CNTNAP5: variants seen among roughly 807,000 people sequenced by gnomAD.
CNTNAP5 encodes the protein contactin associated protein family member 5, also known as contactin-associated protein-like 5.
In CNTNAP5, 72 loss-of-function variants were observed where a neutral mutation model predicts 150.2. That is an observed-to-expected ratio of 0.48 (90% CI 0.40 to 0.58). The LOEUF (loss-of-function observed/expected upper bound fraction) is 0.58. CNTNAP5 is among the 20% of genes least tolerant of loss of function. CNTNAP5 has a pLI of 0.00. For missense variants in CNTNAP5, 1,636 were observed against 1,626.2 expected (o/e 1.01, Z -0.10); for synonymous variants, 672 against 619.8 (o/e 1.08, Z -1.25).
At chr2:124,611,843 ACTCT>A (rs1677391291) in intron 12 of CNTNAP5, among the ~76,000 whole-genome samples, 1 of 152,020 alleles carries the variant, frequency 6.6e-6, no homozygotes. Context: ...CTGAGCTTCG[ACTCT>A]CTCTGGGAAT....
intron 3 of CNTNAP5, among the ~76,000 whole-genome samples, chr2:124,347,750 A>G (rs1689775544): frequency 6.6e-6 from 1 of 152,182 alleles, no homozygotes; most frequent in Non-Finnish European, 1.5e-5. Flanking sequence ...TAAAAAGGTG[A>G]ATATGTAAGT....
At chr2:124,642,453 C>G (rs1248490787) in intron 12 of CNTNAP5, among the ~76,000 whole-genome samples, 1 of 152,156 alleles carries the variant, frequency 6.6e-6, no homozygotes, top group South Asian at 2.1e-4. Flanking sequence ...CTTGACGAAG[C>G]CATCCAGAAG....
intron 3 of CNTNAP5, among the ~76,000 whole-genome samples, chr2:124,261,949 T>G (rs1046738000): frequency 6.6e-6 from 1 of 152,306 alleles, no homozygotes; most frequent in Non-Finnish European, 1.5e-5. Flanking sequence ...TATTAGTTAT[T>G]TATAACCCAC....
intron 16 of CNTNAP5, among the ~76,000 whole-genome samples, chr2:124,766,568 T>C (rs1388115884): frequency 1.3e-5 from 2 of 152,172 alleles, no homozygotes; most frequent in East Asian, 3.9e-4. Context: ...ATTGAGACTA[T>C]TAATGGGAGG....
chr2:124,451,349 C>A (rs1044862882), intron 6 of CNTNAP5, among the ~76,000 whole-genome samples: 1 of 151,338 alleles, frequency 6.6e-6, no homozygotes, highest in Admixed American at 6.6e-5. Context: ...ATTTTTTAAA[C>A]GTAAGAGTGC....
chr2:124,497,009 C>A (rs1477740915), intron 7 of CNTNAP5, among the ~76,000 whole-genome samples: 1 of 152,176 alleles, frequency 6.6e-6, no homozygotes, highest in African/African-American at 2.4e-5. Context: ...CAAGGTCAGA[C>A]CAGAGCTTTA....
At chr2:124,785,854 G>A (rs1163384206) in intron 17 of CNTNAP5, among the ~76,000 whole-genome samples, 2 of 152,162 alleles carry the variant, frequency 1.3e-5, no homozygotes, top group Non-Finnish European at 2.9e-5. Flanking sequence ...GAATGGAAAG[G>A]AAGAGCAGGG....
At chr2:124,209,163 G>A (rs1343540946) in intron 1 of CNTNAP5, among the ~76,000 whole-genome samples, 1 of 152,024 alleles carries the variant, frequency 6.6e-6, no homozygotes, top group Admixed American at 6.6e-5. Flanking sequence ...AGACTTCAAG[G>A]CCCTACACAA....
At chr2:124,150,589 G>T (rs974419272) in intron 1 of CNTNAP5, among the ~76,000 whole-genome samples, 2 of 152,112 alleles carry the variant, frequency 1.3e-5, no homozygotes, top group Non-Finnish European at 2.9e-5. Flanking sequence ...GTCTAGTGAG[G>T]ACCCATTTCC....
At chr2:124,081,863 T>C (rs1023233059) in intron 1 of CNTNAP5, among the ~76,000 whole-genome samples, 4 of 152,202 alleles carry the variant, frequency 2.6e-5, no homozygotes, top group African/African-American at 9.7e-5. Flanking sequence ...GTCAACATCT[T>C]GCACTGTCCT....
chr2:124,512,604 A>G (rs764473463), intron 8 of CNTNAP5, among the ~76,000 whole-genome samples: 2 of 152,166 alleles, frequency 1.3e-5, no homozygotes, highest in Non-Finnish European at 2.9e-5. Flanking sequence ...AGCGCATCCC[A>G]TTTAATTCCT....
chr2:124,041,020 T>A (rs73954364), intron 1 of CNTNAP5, among the ~76,000 whole-genome samples: 2,071 of 152,274 alleles, frequency 0.014, 55 homozygotes, highest in African/African-American at 0.048. Context: ...TAGCCATGAA[T>A]GGTCTGAGAA....
At chr2:124,599,365 T>C (rs1043752926) in intron 11 of CNTNAP5, among the ~76,000 whole-genome samples, 7 of 152,152 alleles carry the variant, frequency 4.6e-5, no homozygotes, top group African/African-American at 1.7e-4. Context: ...TTTAAATATT[T>C]AGATAAATTA....
chr2:124,766,737 A>G (rs984310218), intron 16 of CNTNAP5, among the ~76,000 whole-genome samples: 4 of 152,222 alleles, frequency 2.6e-5, no homozygotes, highest in Non-Finnish European at 1.5e-5. Flanking sequence ...GATTCATTAA[A>G]GCAGCAGCAA....
chr2:124,168,734 A>G (rs1341235615), intron 1 of CNTNAP5, among the ~76,000 whole-genome samples: 3 of 152,214 alleles, frequency 2.0e-5, no homozygotes, highest in Non-Finnish European at 1.5e-5. Flanking sequence ...CTGTATAAAA[A>G]TATAGAGTAA....
chr2:124,702,346 C>A (rs1679539139), intron 13 of CNTNAP5, among the ~76,000 whole-genome samples: 1 of 52,214 alleles, frequency 1.9e-5, no homozygotes, highest in Non-Finnish European at 3.3e-5. Flanking sequence ...ACTATGAACA[C>A]TTTTTTTTTT....
intron 3 of CNTNAP5, among the ~76,000 whole-genome samples, chr2:124,392,687 C>CAAAAA (rs35107442): frequency 1.9e-4 from 13 of 68,772 alleles, no homozygotes; most frequent in African/African-American, 6.7e-4. Flanking sequence ...TTTTCTTTGC[C>CAAAAA]AAAAAAAAAA....
chr2:124,367,632 C>G (rs1690411243), intron 3 of CNTNAP5, among the ~76,000 whole-genome samples: 1 of 152,116 alleles, frequency 6.6e-6, no homozygotes, highest in African/African-American at 2.4e-5. Context: ...AGTTACTAGC[C>G]CCTCTGGCTT....
At chr2:124,300,145 CAA>C (rs1440131089) in intron 3 of CNTNAP5, among the ~76,000 whole-genome samples, 1 of 152,192 alleles carries the variant, frequency 6.6e-6, no homozygotes, top group Non-Finnish European at 1.5e-5. Flanking sequence ...GGTGAGACAG[CAA>C]AGTCATGACT....
Sources: allele counts gnomAD v4.1 joint callset (sites outside exome capture counted in the v4.1 genomes callset), GRCh38; gene constraint gnomAD v4.1.1; transcripts MANE v1.5; gene names NCBI Gene and HGNC (gene_info 2026-07-23, HGNC 2026-07-21).